Variants in SLC25A20 observed in about 807,000 individuals in gnomAD.
The protein encoded by SLC25A20 is mitochondrial carnitine/acylcarnitine carrier protein.
A neutral mutation model predicts 39.7 loss-of-function variants in SLC25A20; 29 were observed. The ratio of observed to expected loss-of-function variants is 0.73; its 90% CI spans 0.54 to 1.00. The LOEUF (loss-of-function observed/expected upper bound fraction) is 1.00, where lower values mean the gene tolerates loss of function less well. Among genes scored for constraint, SLC25A20 ranks in the 50% least tolerant of loss-of-function variants. The probability of loss-of-function intolerance (pLI) is 0.00; values close to 1 mark genes in which losing one functional copy is unlikely to be tolerated. For synonymous variants in SLC25A20, 103 were observed against 142.2 expected (o/e 0.72, Z 1.96); for missense variants, 333 against 379.9 (o/e 0.88, Z 1.03).
intron 5 of SLC25A20, among the ~76,000 whole-genome samples, chr3:48,859,996 C>T (rs909298195): frequency 1.6e-4 from 24 of 152,100 alleles, no homozygotes; most frequent in Admixed American, 1.2e-3. Context: ...GCGAAAGCCT[C>T]GTCTCTACTA....
chr3:48,883,961 C>T, intron 3 of SLC25A20, 36 bp downstream of exon 3: 1 of 1,610,668 alleles, frequency 6.2e-7, no homozygotes, highest in East Asian at 2.2e-5. Context: ...CGCTACCAGG[C>T]AGAACAGCAA....
intron 2 of SLC25A20, among the ~76,000 whole-genome samples, chr3:48,886,351 C>G (rs942224980): frequency 6.6e-6 from 1 of 151,852 alleles, no homozygotes; most frequent in Admixed American, 6.6e-5. Flanking sequence ...ATGGAGAAAC[C>G]CTGTTTCTAC....
chr3:48,876,159 A>G (rs943975770), intron 4 of SLC25A20, among the ~76,000 whole-genome samples: 2 of 152,058 alleles, frequency 1.3e-5, no homozygotes, highest in African/African-American at 2.4e-5. Context: ...CCTGGCCAAC[A>G]TGGTGCAAGC....
chr3:48,877,895 C>T (rs531051201), intron 4 of SLC25A20, among the ~76,000 whole-genome samples: 1 of 152,226 alleles, frequency 6.6e-6, no homozygotes, highest in Admixed American at 6.6e-5. Flanking sequence ...TGACGCGTTA[C>T]ACTTGTGACA....
chr3:48,879,407 A>G lies in SLC25A20; in HGVS notation c.368T>C (p.Phe123Ser). The change falls in exon 4 of 9, where the codon TTC (phenylalanine) becomes TCC (serine). Residue 123 changes from phenylalanine to serine, a missense_variant. Physicochemically the swap from Phe to Ser is radical, Grantham distance 155 (BLOSUM62 -2). Coordinates refer to ENST00000319017, the MANE Select transcript of SLC25A20 (RefSeq NM_000387.6). ...TCCAGGAGTCATGATTCCTGTGGTGAATACGCCAGATAACATCCCAGCTGC... is the reference window on the plus strand; with the variant it reads ...TCCAGGAGTCATGATTCCTGTGGTGGATACGCCAGATAACATCCCAGCTGC... ...LFAAGMLSGV[F>S]TTGIMTPGER... 1 of 1,614,144 alleles carries G rather than the reference A, an allele frequency of 6.2e-7. No homozygotes were observed. The highest frequency in any genetic ancestry group is 8.5e-7 in the Non-Finnish European group (1 of 1,179,962).
intron 3 of SLC25A20, among the ~76,000 whole-genome samples, chr3:48,880,574 CTTTTTTT>C (rs35306259): frequency 1.4e-5 from 1 of 73,106 alleles, no homozygotes; most frequent in African/African-American, 5.5e-5. Flanking sequence ...CTGTGCCCGG[CTTTTTTT>C]TTTTTTTTTT....
Position 48,898,685 on chromosome 3 carries a change from C to T in SLC25A20, c.105+5G>A. On this transcript the variant is annotated splice_donor_5th_base_variant and intron_variant, in intron 1 of 8. Transcript: ENST00000319017. Reference sequence around the variant, plus strand: ...CCCCAAAGCCTGCGACCCAGCCTCCCGCACCTTGACCGTGTCCAGAGGGTG... The same window carrying T: ...CCCCAAAGCCTGCGACCCAGCCTCCTGCACCTTGACCGTGTCCAGAGGGTG... 1.3e-6 allele frequency: 2 copies of T among 1,597,564 alleles called. No individual in the cohort carries two copies. Among genetic ancestry groups the T allele is most frequent in the Non-Finnish European group, 1.7e-6 (2 of 1,172,958 alleles).
In SLC25A20 at chr3:48,878,263, A is replaced by ACAC. The variant is rs1491282102; in HGVS notation, c.417+1094_417+1095insGTG. ...CGACAGAGCGAGACTCCATCTCCAC[A>ACAC]AAAAAAAAAAATATATATATATATA... On this transcript the variant is annotated intron_variant, in intron 4 of 8. Transcript: ENST00000319017. Among the ~76,000 whole-genome samples the ACAC allele has an allele frequency of 1.7e-4, 9 of 52,368 alleles. No homozygotes were observed. The East Asian group carries it at 0.031, about 181-fold the overall frequency. The allele number at this position is 52,368 out of a possible 152,430, so 34.4% of individuals were successfully genotyped here.
At chr3:48,867,294 G>A (rs1045936279) in intron 4 of SLC25A20, among the ~76,000 whole-genome samples, 15 of 151,754 alleles carry the variant, frequency 9.9e-5, no homozygotes, top group Non-Finnish European at 7.4e-5. Flanking sequence ...TGCCCAGGCT[G>A]GAGTGCAGTG....
At chr3:48,870,558 C>CTT (rs752195846) in intron 4 of SLC25A20, among the ~76,000 whole-genome samples, 31 of 123,464 alleles carry the variant, frequency 2.5e-4, no homozygotes, top group East Asian at 4.8e-4. Flanking sequence ...TTTTCTTTTT[C>CTT]TTTTTTTTTT....
chr3:48,897,740 C>A (rs1162311746), intron 1 of SLC25A20, among the ~76,000 whole-genome samples: 1 of 152,022 alleles, frequency 6.6e-6, no homozygotes, highest in Non-Finnish European at 1.5e-5. Flanking sequence ...GAAATCTGAC[C>A]CAACATCCTA....
At position 48,857,724 on chromosome 3, in the gene SLC25A20, T is replaced by G. The variant is rs147062924; in HGVS notation, c.892A>C (p.Thr298Pro). The G allele has an allele frequency of 1.9e-6, 3 of 1,613,668 alleles. No homozygotes were observed. The African/African-American group carries it at 4.0e-5, about 22-fold the overall frequency. The part of the protein sequence containing the change: ...EVAMKFLNWA[T>P]PNL Reference sequence around the variant, plus strand: ...AGCCTTCAGCCTCACAAGTTGGGGGTGGCCCAATTAAGGAACTTCATGGCA... The same window carrying G: ...AGCCTTCAGCCTCACAAGTTGGGGGGGGCCCAATTAAGGAACTTCATGGCA... The change falls in exon 9 of 9, where the codon ACC becomes CCC. Residue 298 changes from threonine to proline, a missense_variant. By Grantham distance (38) the Thr-to-Pro change is conservative. Transcript: ENST00000319017.
intron 5 of SLC25A20, among the ~76,000 whole-genome samples, chr3:48,859,837 G>A (rs144635103): frequency 2.8e-4 from 42 of 152,118 alleles, no homozygotes; most frequent in African/African-American, 7.7e-4. Context: ...AAACATTAGC[G>A]TATGGTAGTA....
intron 1 of SLC25A20, chr3:48,895,883 T>C: frequency 2.2e-6 from 1 of 445,052 alleles, no homozygotes; most frequent in South Asian, 1.6e-5. Context: ...CTCACACCTA[T>C]AATCCCAGCA....
intron 8 of SLC25A20, 47 bp downstream of exon 8, chr3:48,858,460 C>G: frequency 6.2e-7 from 1 of 1,613,468 alleles, no homozygotes; most frequent in Non-Finnish European, 8.5e-7. Context: ...CCACATGCAC[C>G]CTGCCCTGAG....
chr3:48,877,107 A>G (rs890371263), intron 4 of SLC25A20, among the ~76,000 whole-genome samples: 1 of 151,696 alleles, frequency 6.6e-6, no homozygotes, highest in Non-Finnish European at 1.5e-5. Context: ...AAAAAATAGA[A>G]AAGAGGCCAG....
intron 2 of SLC25A20, among the ~76,000 whole-genome samples, chr3:48,886,323 G>A (rs766285078): frequency 4.0e-4 from 61 of 152,094 alleles, no homozygotes; most frequent in Non-Finnish European, 7.6e-4. Flanking sequence ...TCGGGAGTTC[G>A]AGACCAGCCT....
chr3:48,877,127 C>T (rs2083764271), intron 4 of SLC25A20, among the ~76,000 whole-genome samples: 2 of 151,462 alleles, frequency 1.3e-5, no homozygotes, highest in South Asian at 4.2e-4. Flanking sequence ...GGCACGGTGG[C>T]TCACAGGCCA....
Position 48,865,111 on chromosome 3 carries a change from GA to G in SLC25A20, c.418-2453del, listed in dbSNP as rs202240525. Among the ~76,000 whole-genome samples, 936 of 147,900 alleles carry G rather than the reference GA, an allele frequency of 6.3e-3. 14 individuals carry two copies. Among genetic ancestry groups the G allele is most frequent in the African/African-American group, 0.022 (893 of 40,252 alleles). ...TTGGATAAACTAGTCTGGAGTTCAG[GA>G]AAAGTCTGAGTTGGAGATATAATTT... On this transcript the variant is annotated intron_variant, in intron 4 of 8. Coordinates refer to ENST00000319017, the MANE Select transcript of SLC25A20 (RefSeq NM_000387.6).
Sources: gnomAD v4.1 joint callset for allele counts (sites outside exome capture counted in the v4.1 genomes callset) on GRCh38, gnomAD v4.1.1 for gene constraint, MANE v1.5 for transcripts, NCBI Gene and HGNC (gene_info 2026-07-23, HGNC 2026-07-21) for gene names.